The following HP1BP3 variants were observed in gnomAD, a reference collection of about 807,000 sequenced individuals.
HP1BP3 encodes the protein heterochromatin protein 1 binding protein 3.
A neutral mutation model predicts 62.5 loss-of-function variants in HP1BP3; 12 were observed. The ratio of observed to expected loss-of-function variants is 0.19; its 90% confidence interval spans 0.12 to 0.31. The LOEUF (loss-of-function observed/expected upper bound fraction) is 0.31, where lower values mean the gene tolerates loss of function less well. HP1BP3 is among the 10% of genes least tolerant of loss of function. The pLI, the probability that HP1BP3 is intolerant of heterozygous loss-of-function variation, is 1.00. For missense variants in HP1BP3, 502 were observed against 651.8 expected (o/e 0.77, Z 2.50); for synonymous variants, 260 against 237.8 (o/e 1.09, Z -0.86).
At chr1:20,746,593 G>T (rs1443089840) in intron 11 of HP1BP3, among the ~76,000 whole-genome samples, 1 of 152,138 alleles carries the variant, frequency 6.6e-6, no homozygotes, top group Admixed American at 6.6e-5. Flanking sequence ...TGGACCACAG[G>T]AGGTGATCAA....
intron 6 of HP1BP3, among the ~76,000 whole-genome samples, chr1:20,769,706 G>C (rs2056966899): frequency 6.6e-6 from 1 of 152,192 alleles, no homozygotes; most frequent in African/African-American, 2.4e-5. Flanking sequence ...CTGGCCGTCA[G>C]TGATAATTTT....
rs1463254730 is a variant in HP1BP3 at position 20,767,526 on chromosome 1, C to T, written c.735+58G>A. The T allele has an allele frequency of 2.7e-6, 3 of 1,098,630 alleles. No homozygotes were observed. The African/African-American group carries it at 4.7e-5, about 17-fold the overall frequency. The allele number at this position is 1,098,630 out of a possible 1,614,324, so 68.1% of individuals were successfully genotyped here. A position where few individuals can be genotyped will look rare whatever the true frequency, so the allele number is the denominator to read the frequency against. On this transcript the variant is annotated intron_variant, in intron 7 of 12. Coordinates refer to ENST00000438032, the MANE Select transcript of HP1BP3 (RefSeq NM_001372052.1). Reference sequence around the variant, plus strand: ...CACAGCAAACACTCAATGAATGTTGCTATTTTTAGTAGCAGTAACAGCTCC... The same window carrying T: ...CACAGCAAACACTCAATGAATGTTGTTATTTTTAGTAGCAGTAACAGCTCC...
rs138845998 is a variant in HP1BP3 at position 20,749,693 on chromosome 1, C to A, written c.1141+30G>T. On this transcript the variant is annotated intron_variant, in intron 10 of 12. Transcript: ENST00000438032. ...TTTTTCAAAAGAAAATTCTCCTAAT[C>A]CCAGTTAAATATACACAACCGAGTC... 44 of 1,583,960 alleles carry A rather than the reference C, an allele frequency of 2.8e-5. No homozygotes were observed. In the African/African-American group the frequency reaches 5.3e-4, roughly 19 times the overall value.
At chr1:20,761,671 T>C (rs2056490543) in intron 8 of HP1BP3, among the ~76,000 whole-genome samples, 2 of 152,316 alleles carry the variant, frequency 1.3e-5, no homozygotes, top group South Asian at 2.1e-4. Flanking sequence ...AGTTTATAGC[T>C]GGTATTTACA....
At chr1:20,754,885 T>C (rs1321445387) in intron 9 of HP1BP3, among the ~76,000 whole-genome samples, 1 of 152,208 alleles carries the variant, frequency 6.6e-6, no homozygotes, top group Non-Finnish European at 1.5e-5. Context: ...ACGAGTAAAT[T>C]TTCATTACCT....
chr1:20,771,876 T>G (rs984516860), intron 5 of HP1BP3, among the ~76,000 whole-genome samples: 1 of 152,246 alleles, frequency 6.6e-6, no homozygotes, highest in African/African-American at 2.4e-5. Context: ...ATTAAATCAA[T>G]GTAGCACTTA....
chr1:20,775,875 G>A (rs2154541243), intron 4 of HP1BP3: 5 of 1,309,586 alleles, frequency 3.8e-6, no homozygotes, highest in South Asian at 3.0e-5. Context: ...TTGGCACGAT[G>A]ATGAAATCGC....
In HP1BP3 at chr1:20,744,575, G is replaced by A. The variant is rs138089987; in HGVS notation, c.*222C>T. 3.7e-4 allele frequency: 197 copies of A among 531,314 alleles called. No homozygotes were observed. Among genetic ancestry groups the A allele is most frequent in the African/African-American group, 3.6e-3 (190 of 52,168 alleles). The allele number at this position is 531,314 out of a possible 1,614,324, so 32.9% of individuals were successfully genotyped here. ...CATTACATAGTTTAGGAAAGTCCAG[G>A]ATTATTGCAGAAATTAAAATGAACA... On this transcript the variant is annotated 3_prime_UTR_variant, in exon 13 of 13. Transcript: ENST00000438032.
chr1:20,777,489 G>A (rs567073840), intron 3 of HP1BP3, among the ~76,000 whole-genome samples: 6 of 151,600 alleles, frequency 4.0e-5, no homozygotes, highest in Non-Finnish European at 7.4e-5. Context: ...ACGGAGTCTC[G>A]CTCTGTCTCC....
At chr1:20,765,971 A>C (rs1260042403) in intron 7 of HP1BP3, among the ~76,000 whole-genome samples, 1 of 151,326 alleles carries the variant, frequency 6.6e-6, no homozygotes, top group Non-Finnish European at 1.5e-5. Flanking sequence ...TCTCAAAAAA[A>C]AAAAAAAACA....
chr1:20,767,246 G>A (rs1398272784), intron 7 of HP1BP3, among the ~76,000 whole-genome samples: 1 of 152,170 alleles, frequency 6.6e-6, no homozygotes, highest in Non-Finnish European at 1.5e-5. Flanking sequence ...AATCCAGGAG[G>A]CGGAGGTTGC....
intron 5 of HP1BP3, 124 bp from the exon 6 acceptor site, chr1:20,771,197 A>G: frequency 1.5e-6 from 1 of 676,848 alleles, no homozygotes; most frequent in Non-Finnish European, 2.5e-6. Flanking sequence ...GGAAGAATGA[A>G]CTTCAGAAGA....
chr1:20,762,844 T>A (rs1190983717), intron 8 of HP1BP3, among the ~76,000 whole-genome samples: 4 of 152,108 alleles, frequency 2.6e-5, no homozygotes, highest in Non-Finnish European at 5.9e-5. Flanking sequence ...ACGGGCACAA[T>A]CTTAACCTTG....
Position 20,776,617 on chromosome 1 carries a change from A to G in HP1BP3, c.330T>C (p.Ser110=). 1 of 1,612,934 alleles carries G rather than the reference A, an allele frequency of 6.2e-7. No individual in the cohort carries two copies. The change falls in exon 4 of 13, where the codon TCT becomes TCC. Residue 110 remains serine, a synonymous_variant. Coordinates refer to ENST00000438032, the MANE Select transcript of HP1BP3 (RefSeq NM_001372052.1). ...PENEEKEENK[S]SEETKKDEKD... The stretch of plus-strand genomic sequence containing the variant: ...CTTACTCCTTTTTGGTTTCCTCAGA[A>G]GACTTATTTTCTTCCTTCTCTTCAT...
In HP1BP3 at chr1:20,744,117, T is replaced by C. The variant is rs527939171; in HGVS notation, c.*680A>G. ...ACAAAAAACAAGTGATATAGAGAAC[T>C]TGTGCTTGCTGTTAAGGGAATGCAA... On this transcript the variant is annotated 3_prime_UTR_variant, in exon 13 of 13. Coordinates refer to ENST00000438032, the MANE Select transcript of HP1BP3 (RefSeq NM_001372052.1). The C allele has an allele frequency of 2.6e-5, 4 of 152,596 alleles. No homozygotes were observed. The highest frequency in any genetic ancestry group is 7.2e-5 in the African/African-American group (3 of 41,530). The allele number at this position is 152,596 out of a possible 1,614,324, so 9.5% of individuals were successfully genotyped here. A position where few individuals can be genotyped will look rare whatever the true frequency, so the allele number is the denominator to read the frequency against.
At chr1:20,764,786 A>C (rs2056686959) in intron 8 of HP1BP3, among the ~76,000 whole-genome samples, 1 of 151,654 alleles carries the variant, frequency 6.6e-6, no homozygotes. Flanking sequence ...GTGGCAGGAA[A>C]ATCGCTTGAA....
Position 20,757,188 on chromosome 1 carries a change from T to G in HP1BP3, c.959A>C (p.Lys320Thr). The G allele has an allele frequency of 1.9e-6, 3 of 1,612,256 alleles. No homozygotes were observed. Among genetic ancestry groups the G allele is most frequent in the Non-Finnish European group, 2.5e-6 (3 of 1,178,666 alleles). ...ERGQLEQITG[K>T]GASGTFQLKK... ...AACCTGGAATGTCCCCGAAGCACCT[T>G]TGCCAGTTATCTGTTCTAACTGGCC... is the stretch of plus-strand genomic sequence containing the variant. Residue 320 changes from lysine (K) to threonine (T), a missense_variant, in exon 9 of 13, where the codon AAA (lysine) becomes ACA (threonine). Physicochemically the swap from Lys to Thr is moderately conservative, Grantham distance 78. This residue lies in a region of HP1BP3 where 111 missense variants were observed against 242.0 expected (regional missense o/e 0.46). Coordinates refer to ENST00000438032, the MANE Select transcript of HP1BP3 (RefSeq NM_001372052.1).
intron 10 of HP1BP3, among the ~76,000 whole-genome samples, chr1:20,749,164 A>G (rs1028685438): frequency 7.2e-5 from 11 of 152,224 alleles, no homozygotes; most frequent in Non-Finnish European, 1.0e-4. Context: ...CTAAATTACA[A>G]TAAATATCAG....
Position 20,761,411 on chromosome 1 carries a change from G to C in HP1BP3, c.890+3966C>G, listed in dbSNP as rs201951877. ...AGATTAGATAAAGGTGTCTGATAAA[G>C]AGAAGAGACCAGCACAAAGTCAGGG... is the stretch of plus-strand genomic sequence containing the variant. On this transcript the variant is annotated intron_variant, in intron 8 of 12. Coordinates refer to ENST00000438032, the MANE Select transcript of HP1BP3 (RefSeq NM_001372052.1). Among the ~76,000 whole-genome samples the C allele has an allele frequency of 6.6e-5, 10 of 152,306 alleles. No individual in the cohort carries two copies. In the East Asian group the frequency reaches 1.5e-3, roughly 23 times the overall value.
Sources: gnomAD v4.1 joint callset for allele counts (sites outside exome capture counted in the v4.1 genomes callset) on GRCh38, gnomAD v4.1.1 for gene constraint, gnomAD v4.1.1 regional missense constraint, MANE v1.5 for transcripts, NCBI Gene and HGNC (gene_info 2026-07-23, HGNC 2026-07-21) for gene names.